The following UACA variants were observed in gnomAD, a reference collection of about 807,000 sequenced individuals.
UACA encodes the protein nuclear membrane binding protein.
Under a neutral mutation model 160.5 loss-of-function variants are expected in UACA, and 112 were observed. The observed-to-expected ratio is 0.70, with a 90% confidence interval of 0.60 to 0.82. The LOEUF (loss-of-function observed/expected upper bound fraction) is 0.82. Ranked by LOEUF, UACA falls within the 40% of genes least tolerant of loss-of-function variation. The probability of loss-of-function intolerance (pLI) is 0.00; values close to 1 mark genes in which losing one functional copy is unlikely to be tolerated. For synonymous variants in UACA, 557 were observed against 568.4 expected, an observed-to-expected ratio of 0.98 and a Z score of 0.29; for missense variants, 1,574 against 1,614.6, an observed-to-expected ratio of 0.97 and a Z score of 0.43.
chr15:70,713,193 T>C (rs1566988008), intron 1 of UACA, among the ~76,000 whole-genome samples: 1 of 152,092 alleles, frequency 6.6e-6, no homozygotes. Context: ...CTACTAAAAA[T>C]ACAAAAAATT....
At chr15:70,695,245 C>T (rs1003116128) in intron 2 of UACA, 140 bp from the exon 3 acceptor site, 4 of 507,294 alleles carry the variant, frequency 7.9e-6, no homozygotes, top group Admixed American at 7.6e-5. Context: ...AGAACACCTA[C>T]ATATTTAATT....
chr15:70,664,845 T>C, intron 16 of UACA, 31 bp from the exon 17 acceptor site: 2 of 1,580,362 alleles, frequency 1.3e-6, no homozygotes, highest in Non-Finnish European at 1.7e-6. Context: ...AGAAATATAT[T>C]ATTCACTTAT....
rs755579260 is a variant in UACA, at chr15:70,699,565, C to T, written c.174G>A (p.Gly58=). The part of the protein sequence containing the change: ...EKVTSILAKK[G]VNPGKLDVEG... The stretch of plus-strand genomic sequence containing the variant: ...CCACATCTAGTTTGCCTGGATTGAC[C>T]CCCTTTTTAGCAAGGATTGAGGTCA... Residue 58 remains glycine (G), a synonymous_variant, in exon 2 of 19, where the codon GGG becomes GGA. Coordinates refer to ENST00000322954, the MANE Select transcript of UACA (RefSeq NM_018003.4). The T allele has an allele frequency of 3.1e-6, 5 of 1,610,278 alleles. No individual in the cohort carries two copies. The highest frequency in any genetic ancestry group is 2.2e-5 in the East Asian group (1 of 44,798).
chr15:70,690,333 T>G, intron 5 of UACA, 121 bp downstream of exon 5: 2 of 927,146 alleles, frequency 2.2e-6, no homozygotes, highest in Admixed American at 2.7e-5. Flanking sequence ...TGCAAACAGG[T>G]TTTTAATATT....
chr15:70,751,530 C>G (rs912851830), intron 1 of UACA, among the ~76,000 whole-genome samples: 3 of 152,176 alleles, frequency 2.0e-5, no homozygotes, highest in Non-Finnish European at 2.9e-5. Flanking sequence ...TGCCTTGTAT[C>G]ATTTAATGCT....
intron 1 of UACA, among the ~76,000 whole-genome samples, chr15:70,728,679 GA>G (rs1684633481): frequency 6.6e-6 from 1 of 151,404 alleles, no homozygotes; most frequent in South Asian, 2.1e-4. Context: ...CAAAGAAAGC[GA>G]AAATTGAAAA....
chr15:70,721,009 C>G (rs1898973148), intron 1 of UACA, among the ~76,000 whole-genome samples: 1 of 152,190 alleles, frequency 6.6e-6, no homozygotes, highest in Non-Finnish European at 1.5e-5. Context: ...GCCACTTGCA[C>G]AGTCAGCCCA....
At chr15:70,658,131 A>G (rs778193681) in intron 18 of UACA, among the ~76,000 whole-genome samples, 6 of 152,154 alleles carry the variant, frequency 3.9e-5, no homozygotes, top group Non-Finnish European at 7.4e-5. Flanking sequence ...AAAAACCCAT[A>G]TTTATGTTTT....
In UACA at chr15:70,664,484, A is replaced by G. The variant is rs1037848305; in HGVS notation, c.4113+178T>C. Among the ~76,000 whole-genome samples, 22 of 152,228 alleles carry G rather than the reference A, an allele frequency of 1.4e-4. 1 individual carries two copies. Among genetic ancestry groups the G allele is most frequent in the South Asian group, 4.1e-4 (2 of 4,836 alleles). ...TTTAATATGGTGCCTGGTGTATAGT[A>G]GGCATCAAATAAGTATTATTACACC... On this transcript the variant is annotated intron_variant, in intron 17 of 18. Transcript: ENST00000322954.
intron 9 of UACA, 41 bp from the exon 10 acceptor site, chr15:70,679,717 G>T: frequency 7.4e-7 from 1 of 1,351,318 alleles, no homozygotes; most frequent in South Asian, 1.3e-5. Flanking sequence ...GCAAGTGTAA[G>T]AATACAGAAA....
At chr15:70,682,258 A>C (rs960273159) in intron 9 of UACA, among the ~76,000 whole-genome samples, 1 of 152,218 alleles carries the variant, frequency 6.6e-6, no homozygotes, top group African/African-American at 2.4e-5. Context: ...TTAAATACAC[A>C]CAGAAAAAAA....
intron 1 of UACA, among the ~76,000 whole-genome samples, chr15:70,717,003 C>T (rs1342776844): frequency 1.3e-5 from 2 of 152,132 alleles, no homozygotes; most frequent in Non-Finnish European, 2.9e-5. Flanking sequence ...GGGCAGATCA[C>T]CTGAGGTCAG....
chr15:70,691,399 T>C, intron 3 of UACA, 36 bp from the exon 4 acceptor site: 1 of 1,466,600 alleles, frequency 6.8e-7, no homozygotes, highest in Non-Finnish European at 9.4e-7. Flanking sequence ...AAGGATTATT[T>C]TCTTCATATG....
chr15:70,658,859 T>C (rs1896575968), intron 18 of UACA, among the ~76,000 whole-genome samples: 1 of 152,248 alleles, frequency 6.6e-6, no homozygotes, highest in African/African-American at 2.4e-5. Context: ...CTGAATTTCT[T>C]AGTTAACTTT....
At chr15:70,695,371 A>G (rs1043593280) in intron 2 of UACA, among the ~76,000 whole-genome samples, 4 of 152,218 alleles carry the variant, frequency 2.6e-5, no homozygotes, top group African/African-American at 7.2e-5. Context: ...GAGAAAATTT[A>G]TACTATAATA....
intron 1 of UACA, chr15:70,702,059 C>T: frequency 7.2e-7 from 1 of 1,383,604 alleles, no homozygotes; most frequent in Non-Finnish European, 9.4e-7. Context: ...TAGCTTGGAT[C>T]TCTAACGATA....
rs780818072 is a variant in UACA at position 70,678,145 on chromosome 15, C to A, written c.953G>T (p.Arg318Ile). ...ACCATTGACTTTATCCAAAAGTATT[C>A]TTTGTTCTTGCTGAATTTTTCTCAA... Reference protein sequence around the residue: ...ERLRKIQQEQRILLDKVNGLQ... With the variant: ...ERLRKIQQEQIILLDKVNGLQ... The change falls in exon 11 of 19, where the codon AGA becomes ATA. Residue 318 changes from arginine to isoleucine, a missense_variant. Transcript: ENST00000322954. 2 of 1,610,112 alleles carry A rather than the reference C, an allele frequency of 1.2e-6. No individual in the cohort carries two copies. Among genetic ancestry groups the A allele is most frequent in the Non-Finnish European group, 8.5e-7 (1 of 1,179,082 alleles).
chr15:70,676,181 T>G (rs941673290), intron 13 of UACA: 5 of 201,742 alleles, frequency 2.5e-5, no homozygotes, highest in Admixed American at 5.3e-5. Flanking sequence ...ATCATTATAC[T>G]CACTGCAAAT....
At chr15:70,767,249 AAAAAAAACAAAAAACAAAAACAAAAAC>A (rs1284806279), upstream of UACA, among the ~76,000 whole-genome samples, 2 of 139,260 alleles carry the variant, frequency 1.4e-5, no homozygotes, top group Non-Finnish European at 3.0e-5. Flanking sequence ...CAAAAAAAAA[AAAAAAAACAAAAAACAAAAACAAAAAC>A]AACAACAATA....
Sources: gnomAD v4.1 joint callset for allele counts (sites outside exome capture counted in the v4.1 genomes callset) on GRCh38, gnomAD v4.1.1 for gene constraint, MANE v1.5 for transcripts, NCBI Gene and HGNC (gene_info 2026-07-23, HGNC 2026-07-21) for gene names.